TTYH1: variants seen among roughly 807,000 people sequenced by gnomAD.
TTYH1 encodes the protein protein tweety homolog 1.
A neutral mutation model predicts 61.2 loss-of-function variants in TTYH1; 33 were observed. The ratio of observed to expected loss-of-function variants is 0.54; its 90% CI spans 0.41 to 0.72. TTYH1 has a LOEUF of 0.72. TTYH1 is among the 30% of genes least tolerant of loss of function. The pLI is 0.00. For synonymous variants in TTYH1, 308 were observed against 266.4 expected (o/e 1.16, Z -1.52); for missense variants, 538 against 575.8 (o/e 0.93, Z 0.67).
intron 4 of TTYH1, among the ~76,000 whole-genome samples, chr19:54,424,389 C>T (rs1400149253): frequency 6.6e-6 from 1 of 152,222 alleles, no homozygotes; most frequent in African/African-American, 2.4e-5. Context: ...GCCCTGCCCG[C>T]GGGGCATGCG....
intron 1 of TTYH1, among the ~76,000 whole-genome samples, chr19:54,417,470 C>A (rs953584109): frequency 3.3e-5 from 5 of 151,976 alleles, no homozygotes; most frequent in African/African-American, 4.8e-5. Flanking sequence ...CACCCACATA[C>A]AACACACGCA....
rs1004532334 is a variant in TTYH1, at chr19:54,436,714, C to G, written c.*424C>G. ...TAAAATAAAAGGGAAGACTATTTTA[C>G]AAGCAGCTGGGTCCTCCTTATTTCT... On this transcript the variant is annotated 3_prime_UTR_variant, in exon 14 of 14. Coordinates refer to ENST00000376530, the MANE Select transcript of TTYH1 (RefSeq NM_020659.4). The surrounding 1 kb of genome is among the most constrained non-coding windows in gnomAD (Gnocchi z 4.3). 2.4e-5 allele frequency: 9 copies of G among 374,416 alleles called. No homozygotes were observed. The highest frequency in any genetic ancestry group is 4.5e-5 in the Non-Finnish European group (9 of 202,032). The allele number at this position is 374,416 out of a possible 1,614,324, so 23.2% of individuals were successfully genotyped here. A position where few individuals can be genotyped will look rare whatever the true frequency, so the allele number is the denominator to read the frequency against.
Position 54,426,750 on chromosome 19 carries a change from G to A in TTYH1, c.716G>A (p.Ser239Asn), listed in dbSNP as rs775709000. 2 of 1,613,950 alleles carry A rather than the reference G, an allele frequency of 1.2e-6. No individual in the cohort carries two copies. The highest frequency in any genetic ancestry group is 1.7e-5 in the Admixed American group (1 of 60,026). ...ACCCTCCTGGGCCTGGCGAAGCAGA[G>A]CAAGTGGCTGGTGATCGTGTAAGTG... is the stretch of plus-strand genomic sequence containing the variant. ...LFTLLGLAKQ[S>N]KWLVIVMTVM... is the part of the protein sequence containing the mutation. Residue 239 changes from serine (S) to asparagine (N), a missense_variant, in exon 5 of 14, where the codon AGC becomes AAC. Ser to Asn is a conservative substitution (Grantham distance 46). Coordinates refer to ENST00000376530, the MANE Select transcript of TTYH1 (RefSeq NM_020659.4).
rs1033137352 is a variant in TTYH1 at position 54,416,162 on chromosome 19, G to A, written c.126+484G>A. 3.0e-6 allele frequency: 3 copies of A among 1,014,018 alleles called. No individual in the cohort carries two copies. In the East Asian group the frequency reaches 1.8e-4, roughly 62 times the overall value. 62.8% of individuals were successfully genotyped at this position (1,014,018 alleles called of 1,614,324 possible). On this transcript the variant is annotated intron_variant, in intron 1 of 13. Transcript: ENST00000376530. This position sits in a 1 kb window ranked among gnomAD's most constrained non-coding sequence, Gnocchi z 7.0. ...GCTGCTGCGGTGCTGGGATGGGATT[G>A]AGAGTCTGAAATGGGGAAGGGGGCT...
chr19:54,418,025 C>CACAT (rs1555965181), intron 1 of TTYH1, among the ~76,000 whole-genome samples: 8 of 151,592 alleles, frequency 5.3e-5, no homozygotes, highest in African/African-American at 1.2e-4. Flanking sequence ...CACACACACA[C>CACAT]ACTGTGCCAC....
chr19:54,417,627 TTA>T (rs10566959), intron 1 of TTYH1, among the ~76,000 whole-genome samples: 89,907 of 151,280 alleles, frequency 0.59, 26,961 homozygotes, highest in African/African-American at 0.69. Flanking sequence ...CACACTGCAC[TTA>T]TATATATATG....
chr19:54,430,981 T>C, intron 9 of TTYH1, 76 bp downstream of exon 9: 1 of 1,541,212 alleles, frequency 6.5e-7, no homozygotes, highest in Non-Finnish European at 8.9e-7. Context: ...CTGTGGGGCG[T>C]AGGCGGGGCT....
At chr19:54,432,699 T>A (rs993227751) in intron 10 of TTYH1, 1 of 152,136 alleles carries the variant, frequency 6.6e-6, no homozygotes, top group African/African-American at 2.4e-5. Flanking sequence ...AGAATAGGGC[T>A]GCCAGATTCA....
chr19:54,416,406 G>A lies in TTYH1; in HGVS notation c.126+728G>A. On this transcript the variant is annotated intron_variant, in intron 1 of 13. Coordinates refer to ENST00000376530, the MANE Select transcript of TTYH1 (RefSeq NM_020659.4). The surrounding 1 kb of genome is among the most constrained non-coding windows in gnomAD (Gnocchi z 7.0). ...GTCCCTGGGGAAGGGGCCCGGCTCG[G>A]GGCAGCTCCAATGGGCGAAAGAGCT... 1 of 271,970 alleles carries A rather than the reference G, an allele frequency of 3.7e-6. No homozygotes were observed. The allele number at this position is 271,970 out of a possible 1,614,324, so 16.8% of individuals were successfully genotyped here.
intron 4 of TTYH1, among the ~76,000 whole-genome samples, chr19:54,424,018 G>A (rs144030417): frequency 0.03 from 4,533 of 152,132 alleles, 100 homozygotes; most frequent in South Asian, 0.092. Context: ...AAAATTAGCC[G>A]GGCGTGGTGG....
rs2083086541 is a variant in TTYH1, at chr19:54,416,763, G to C, written c.126+1085G>C. ...CTCGCCGCCCCCTCTCCCCACACACGGGGACCGCCGTCCCCTCGCCCACAG... is the reference window on the plus strand; with the variant it reads ...CTCGCCGCCCCCTCTCCCCACACACCGGGACCGCCGTCCCCTCGCCCACAG... On this transcript the variant is annotated intron_variant, in intron 1 of 13. Transcript: ENST00000376530. The surrounding 1 kb of genome is among the most constrained non-coding windows in gnomAD (Gnocchi z 7.0). 7.7e-7 allele frequency: 1 copy of C among 1,292,434 alleles called. No individual in the cohort carries two copies. Among genetic ancestry groups the C allele is most frequent in the Non-Finnish European group, 1.0e-6 (1 of 988,560 alleles). 80.1% of individuals were successfully genotyped at this position (1,292,434 alleles called of 1,614,324 possible).
At position 54,415,676 on chromosome 19, in the gene TTYH1, C is replaced by A; in HGVS notation, c.124C>A (p.Gln42Lys). The change falls in exon 1 of 14, where the codon CAG becomes AAG. Residue 42 changes from glutamine to lysine, a missense_variant and splice_region_variant. Gln to Lys is a moderately conservative substitution (Grantham distance 53). This residue lies in a region of TTYH1 where 157 missense variants were observed against 157.0 expected (regional missense o/e 1.00). Coordinates refer to ENST00000376530, the MANE Select transcript of TTYH1 (RefSeq NM_020659.4). This position sits in a 1 kb window ranked among gnomAD's most constrained non-coding sequence, Gnocchi z 5.2. ...CGCGCCCCAAGAGCAGGAATACCAG[C>A]AGGTGGGACCGGGCGCCAGGGCCTG... is the stretch of plus-strand genomic sequence containing the variant. ...VFAPQEQEYQ[Q>K]ALLLVAALAG... 1.3e-6 allele frequency: 2 copies of A among 1,553,660 alleles called. No individual in the cohort carries two copies. Among genetic ancestry groups the A allele is most frequent in the Non-Finnish European group, 1.7e-6 (2 of 1,157,548 alleles).
chr19:54,417,082 C>T (rs972479511), intron 1 of TTYH1, among the ~76,000 whole-genome samples: 4 of 152,126 alleles, frequency 2.6e-5, no homozygotes, highest in African/African-American at 9.7e-5. Flanking sequence ...GCCAGGGCCT[C>T]AGGGACACTG....
chr19:54,424,298 G>A (rs534387914), intron 4 of TTYH1, among the ~76,000 whole-genome samples: 12 of 152,318 alleles, frequency 7.9e-5, no homozygotes, highest in African/African-American at 2.4e-4. Flanking sequence ...CCTTCCCAGC[G>A]GCCACCATGA....
chr19:54,426,620 C>G, intron 4 of TTYH1, 53 bp from the exon 5 acceptor site: 4 of 1,457,064 alleles, frequency 2.7e-6, no homozygotes, highest in Non-Finnish European at 3.8e-6. Flanking sequence ...GCTGTTCCGC[C>G]GGGGTGCCTG....
At chr19:54,417,256 AC>A (rs1407783697) in intron 1 of TTYH1, among the ~76,000 whole-genome samples, 1 of 150,816 alleles carries the variant, frequency 6.6e-6, no homozygotes, top group Non-Finnish European at 1.5e-5. Flanking sequence ...ACACATATGC[AC>A]AGGCACACTC....
At chr19:54,418,035 C>CTG (rs749522560) in intron 1 of TTYH1, among the ~76,000 whole-genome samples, 3 of 149,688 alleles carry the variant, frequency 2.0e-5, no homozygotes, top group Non-Finnish European at 3.0e-5. Context: ...CACTGTGCCA[C>CTG]TGTGTGTGTG....
rs372054548 is a variant in TTYH1 at position 54,417,808 on chromosome 19, ACT to A, written c.127-1319_127-1318del. On this transcript the variant is annotated intron_variant, in intron 1 of 13. Coordinates refer to ENST00000376530, the MANE Select transcript of TTYH1 (RefSeq NM_020659.4). ...CGCATCCACACACACACTCATCCAC[ACT>A]GTTACACACACACAACCGGACCCAC... Among the ~76,000 whole-genome samples, 33 of 152,022 alleles carry A rather than the reference ACT, an allele frequency of 2.2e-4. No homozygotes were observed. In the East Asian group the frequency reaches 6.2e-3, roughly 28 times the overall value.
chr19:54,428,317 GACCTA>G (rs1316445113), intron 5 of TTYH1, among the ~76,000 whole-genome samples: 1 of 151,820 alleles, frequency 6.6e-6, no homozygotes, highest in Non-Finnish European at 1.5e-5. Flanking sequence ...TCAAACTCCT[GACCTA>G]AGGTGATCCG....
Sources: gnomAD v4.1 joint callset for allele counts (sites outside exome capture counted in the v4.1 genomes callset) on GRCh38, gnomAD v4.1.1 for gene constraint, gnomAD v4.1.1 regional missense constraint, Gnocchi (gnomAD v3.1) non-coding constraint, MANE v1.5 for transcripts, NCBI Gene and HGNC (gene_info 2026-07-23, HGNC 2026-07-21) for gene names.